The following CDC42BPA variants were observed in gnomAD, a reference collection of about 807,000 sequenced individuals.
The protein encoded by CDC42BPA is serine/threonine-protein kinase MRCK alpha.
Under a neutral mutation model 223.5 loss-of-function variants are expected in CDC42BPA, and 80 were observed. The ratio of observed to expected loss-of-function variants is 0.36; its 90% CI spans 0.30 to 0.43. The LOEUF (loss-of-function observed/expected upper bound fraction) is 0.43, where lower values mean the gene tolerates loss of function less well. Ranked by LOEUF, CDC42BPA falls within the 20% of genes least tolerant of loss-of-function variation. The pLI is 1.00. For synonymous variants in CDC42BPA, 694 were observed against 718.6 expected (o/e 0.97, Z 0.55); for missense variants, 1,743 against 2,099.9 (o/e 0.83, Z 3.32).
intron 35 of CDC42BPA, chr1:227,004,397 T>C (rs1663574680): frequency 6.3e-6 from 1 of 157,728 alleles, no homozygotes; most frequent in Non-Finnish European, 1.4e-5. Context: ...CATTCTCCAC[T>C]TGGCAGCCCG....
chr1:227,049,708 C>T (rs929456823), intron 22 of CDC42BPA, among the ~76,000 whole-genome samples: 1 of 151,994 alleles, frequency 6.6e-6, no homozygotes, highest in African/African-American at 2.4e-5. Context: ...ACCAAAAGAA[C>T]AATGGAAAAG....
chr1:227,179,315 A>G (rs1457373451), intron 5 of CDC42BPA, among the ~76,000 whole-genome samples: 1 of 151,306 alleles, frequency 6.6e-6, no homozygotes, highest in Non-Finnish European at 1.5e-5. Flanking sequence ...TAATGAGTGG[A>G]CTGTATGGTA....
chr1:227,202,302 G>A (rs1249489496), intron 3 of CDC42BPA, among the ~76,000 whole-genome samples: 1 of 152,108 alleles, frequency 6.6e-6, no homozygotes, highest in Non-Finnish European at 1.5e-5. Flanking sequence ...TTTTTAAGGG[G>A]AAAACAGAAA....
chr1:227,118,905 C>T (rs1688192386), intron 12 of CDC42BPA, among the ~76,000 whole-genome samples: 3 of 152,024 alleles, frequency 2.0e-5, no homozygotes, highest in Admixed American at 2.0e-4. Context: ...ATGTACTGGT[C>T]TATTTCAATC....
chr1:227,239,323 T>A (rs1679628299), intron 2 of CDC42BPA, among the ~76,000 whole-genome samples: 1 of 152,192 alleles, frequency 6.6e-6, no homozygotes, highest in African/African-American at 2.4e-5. Flanking sequence ...TGGAAACTAC[T>A]CTGTTTGATA....
At chr1:227,306,309 A>T (rs906230993) in intron 1 of CDC42BPA, among the ~76,000 whole-genome samples, 1 of 152,138 alleles carries the variant, frequency 6.6e-6, no homozygotes, top group Non-Finnish European at 1.5e-5. Context: ...ACCCATTTGT[A>T]CATGTTTAAT....
intron 24 of CDC42BPA, among the ~76,000 whole-genome samples, chr1:227,036,959 T>C (rs142542314): frequency 4.1e-4 from 62 of 152,222 alleles, no homozygotes; most frequent in African/African-American, 1.4e-3. Flanking sequence ...CATAGCTTCA[T>C]AAAGTAGGCT....
At chr1:227,200,196 C>T (rs1671480365) in intron 3 of CDC42BPA, among the ~76,000 whole-genome samples, 1 of 152,062 alleles carries the variant, frequency 6.6e-6, no homozygotes, top group Non-Finnish European at 1.5e-5. Flanking sequence ...TCTGTGATGC[C>T]GAGGTGGGCA....
At chr1:227,022,024 CA>C (rs11304032) in intron 32 of CDC42BPA, among the ~76,000 whole-genome samples, 74,872 of 124,158 alleles carry the variant, frequency 0.6, 18,983 homozygotes, top group East Asian at 0.74. Context: ...GTCTCCCCCG[CA>C]AAAAAAAAAT....
intron 2 of CDC42BPA, among the ~76,000 whole-genome samples, chr1:227,227,985 T>C (rs1392995096): frequency 2.0e-5 from 3 of 152,220 alleles, no homozygotes; most frequent in Non-Finnish European, 4.4e-5. Context: ...TACTGATTCT[T>C]GTCTACTTGT....
intron 2 of CDC42BPA, among the ~76,000 whole-genome samples, chr1:227,238,467 T>G (rs1679470300): frequency 6.6e-6 from 1 of 152,118 alleles, no homozygotes; most frequent in Non-Finnish European, 1.5e-5. Flanking sequence ...TACAACCACA[T>G]CCATCATTCA....
intron 5 of CDC42BPA, among the ~76,000 whole-genome samples, chr1:227,193,111 C>T (rs1232385315): frequency 1.4e-5 from 2 of 146,342 alleles, no homozygotes; most frequent in African/African-American, 5.1e-5. Context: ...CTCTGTCACC[C>T]AGGCTGGAGT....
chr1:227,265,885 A>C (rs1684915029), intron 1 of CDC42BPA, among the ~76,000 whole-genome samples: 1 of 152,206 alleles, frequency 6.6e-6, no homozygotes, highest in Non-Finnish European at 1.5e-5. Flanking sequence ...TCAGGAGACA[A>C]GAAAATGCAT....
At chr1:227,156,527 A>G (rs1572030035) in intron 6 of CDC42BPA, among the ~76,000 whole-genome samples, 1 of 151,714 alleles carries the variant, frequency 6.6e-6, no homozygotes, top group East Asian at 2.0e-4. Context: ...ACTTGATATT[A>G]TGTCCAAGAA....
chr1:227,245,538 A>G (rs1336163420), intron 2 of CDC42BPA, among the ~76,000 whole-genome samples: 1 of 151,904 alleles, frequency 6.6e-6, no homozygotes, highest in Non-Finnish European at 1.5e-5. Context: ...TGATCTGCCC[A>G]CCTTGGCCTC....
chr1:227,307,769 A>C (rs1692815287), intron 1 of CDC42BPA, among the ~76,000 whole-genome samples: 1 of 152,212 alleles, frequency 6.6e-6, no homozygotes, highest in South Asian at 2.1e-4. Context: ...GGTGCTGCAT[A>C]ATCTTCAATA....
rs1034011172 is a variant in CDC42BPA, at chr1:227,107,388, GGA to G, written c.2001+4922_2001+4923del. On this transcript the variant is annotated intron_variant, in intron 14 of 36. Coordinates refer to ENST00000366766, the MANE Select transcript of CDC42BPA (RefSeq NM_001394014.1). ...TTGCTATGTGTTGATCTTGCAGCCT[GGA>G]ACTTGGGTGAATTTATTTTAAGCTC... Among the ~76,000 whole-genome samples, 7 of 152,166 alleles carry G rather than the reference GGA, an allele frequency of 4.6e-5. No individual in the cohort carries two copies. The South Asian group carries it at 1.0e-3, about 23-fold the overall frequency.
chr1:227,023,485 A>C (rs1667738618), intron 31 of CDC42BPA, 138 bp from the exon 32 acceptor site: 1 of 502,010 alleles, frequency 2.0e-6, no homozygotes, highest in East Asian at 3.3e-5. Context: ...CAGAAAAATC[A>C]ACAATAATTC....
intron 3 of CDC42BPA, among the ~76,000 whole-genome samples, chr1:227,206,523 A>G (rs1371862311): frequency 6.6e-6 from 1 of 152,204 alleles, no homozygotes; most frequent in East Asian, 1.9e-4. Flanking sequence ...AGCATCAACA[A>G]TACACAAATA....
Sources: gnomAD v4.1 joint callset for allele counts (sites outside exome capture counted in the v4.1 genomes callset) on GRCh38, gnomAD v4.1.1 for gene constraint, MANE v1.5 for transcripts, NCBI Gene and HGNC (gene_info 2026-07-23, HGNC 2026-07-21) for gene names.